HCN1: variants seen among roughly 807,000 people sequenced by gnomAD.
HCN1 encodes the protein hyperpolarization activated cyclic nucleotide gated potassium channel 1, also known as potassium/sodium hyperpolarization-activated cyclic nucleotide-gated channel 1.
A neutral mutation model predicts 78.9 loss-of-function variants in HCN1; 13 were observed. That is an observed-to-expected ratio of 0.16 (90% CI 0.11 to 0.26). The LOEUF (loss-of-function observed/expected upper bound fraction) is 0.26, where lower values mean the gene tolerates loss of function less well. Among genes scored for constraint, HCN1 ranks in the 10% least tolerant of loss-of-function variants. HCN1 has a pLI of 1.00. For missense variants in HCN1, 810 were observed against 1,154.3 expected (o/e 0.70, Z 4.32); for synonymous variants, 552 against 455.5 (o/e 1.21, Z -2.70).
chr5:45,326,152 T>C (rs527402374), intron 5 of HCN1, among the ~76,000 whole-genome samples: 56 of 151,726 alleles, frequency 3.7e-4, no homozygotes, highest in African/African-American at 1.3e-3. Context: ...TACATATACA[T>C]TTATATATCA....
intron 1 of HCN1, among the ~76,000 whole-genome samples, chr5:45,689,176 C>A (rs1334316827): frequency 6.6e-6 from 1 of 151,888 alleles, no homozygotes; most frequent in Non-Finnish European, 1.5e-5. Flanking sequence ...TAAAAATAAA[C>A]CATATCTGTA....
At chr5:45,582,967 T>C (rs555111940) in intron 2 of HCN1, among the ~76,000 whole-genome samples, 1 of 128,566 alleles carries the variant, frequency 7.8e-6, no homozygotes, top group Admixed American at 8.7e-5. Context: ...TCAAGGATAT[T>C]GGTCTAAAAT....
intron 5 of HCN1, among the ~76,000 whole-genome samples, chr5:45,306,061 A>G (rs1745728392): frequency 6.6e-6 from 1 of 152,104 alleles, no homozygotes; most frequent in Admixed American, 6.6e-5. Flanking sequence ...CAGGAAGATA[A>G]AAGGTGACGT....
intron 1 of HCN1, among the ~76,000 whole-genome samples, chr5:45,660,098 G>A (rs1400316062): frequency 3.3e-5 from 4 of 119,632 alleles, no homozygotes; most frequent in Admixed American, 8.4e-5. Context: ...GACTAACAGC[G>A]GATCTCTCGG....
At chr5:45,493,664 T>C (rs528042122) in intron 2 of HCN1, among the ~76,000 whole-genome samples, 4 of 152,034 alleles carry the variant, frequency 2.6e-5, no homozygotes, top group East Asian at 3.9e-4. Flanking sequence ...GTTAGTTACA[T>C]ATGTATACAT....
chr5:45,556,144 C>G (rs960163787), intron 2 of HCN1, among the ~76,000 whole-genome samples: 1 of 151,910 alleles, frequency 6.6e-6, no homozygotes, highest in African/African-American at 2.4e-5. Context: ...GGACATTGGA[C>G]TGGGAAAAGA....
rs953713255 is a variant in HCN1 at position 45,310,703 on chromosome 5, G to A, written c.1378-6864C>T. ...GGAATATAAATTGTTCTATTATAAA[G>A]ACATGCATGCATATGTTCATTGCAG... On this transcript the variant is annotated intron_variant, in intron 5 of 7. Coordinates refer to ENST00000303230, the MANE Select transcript of HCN1 (RefSeq NM_021072.4). 2.0e-5 allele frequency among the ~76,000 whole-genome samples: 3 copies of A among 152,012 alleles called. No homozygotes were observed. The East Asian group carries it at 5.8e-4, about 29-fold the overall frequency.
intron 2 of HCN1, among the ~76,000 whole-genome samples, chr5:45,499,939 T>C (rs1554029244): frequency 1.3e-5 from 2 of 152,138 alleles, no homozygotes; most frequent in Non-Finnish European, 1.5e-5. Context: ...CATATGCACA[T>C]ACACATAAAA....
Position 45,603,112 on chromosome 5 carries a change from G to T in HCN1, c.849+42073C>A, listed in dbSNP as rs866774089. Reference sequence around the variant, plus strand: ...TTCCCTACTTTTCATCCCTTTAGGAGTTTAGGAAGGCAGGAAAACACAACC... The same window carrying T: ...TTCCCTACTTTTCATCCCTTTAGGATTTTAGGAAGGCAGGAAAACACAACC... On this transcript the variant is annotated intron_variant, in intron 2 of 7. Coordinates refer to ENST00000303230, the MANE Select transcript of HCN1 (RefSeq NM_021072.4). Among the ~76,000 whole-genome samples the T allele has an allele frequency of 7.9e-5, 12 of 152,026 alleles. No individual in the cohort carries two copies. In the South Asian group the frequency reaches 1.2e-3, roughly 16 times the overall value.
rs1462286117 is a variant in HCN1 at position 45,626,307 on chromosome 5, T to TCAC, written c.849+18877_849+18878insGTG. On this transcript the variant is annotated intron_variant, in intron 2 of 7. Coordinates refer to ENST00000303230, the MANE Select transcript of HCN1 (RefSeq NM_021072.4). ...CTATTTAGACCACCTCTTCTGAATA[T>TCAC]TGACGTGGAAATCACTGAAATACTA... Among the ~76,000 whole-genome samples, 3 of 152,324 alleles carry TCAC rather than the reference T, an allele frequency of 2.0e-5. No individual in the cohort carries two copies. In the East Asian group the frequency reaches 5.8e-4, roughly 29 times the overall value.
At chr5:45,343,699 G>C (rs1381187587) in intron 5 of HCN1, among the ~76,000 whole-genome samples, 2 of 152,042 alleles carry the variant, frequency 1.3e-5, no homozygotes, top group Non-Finnish European at 2.9e-5. Flanking sequence ...ATATCATTTA[G>C]CTTTAGAGGA....
chr5:45,457,612 C>A (rs191849965), intron 3 of HCN1, among the ~76,000 whole-genome samples: 359 of 152,248 alleles, frequency 2.4e-3, no homozygotes, highest in African/African-American at 8.2e-3. Flanking sequence ...TCCGTTGTTA[C>A]AACAAAATAC....
intron 3 of HCN1, among the ~76,000 whole-genome samples, chr5:45,441,906 G>A (rs1579897184): frequency 6.6e-6 from 1 of 152,204 alleles, no homozygotes; most frequent in South Asian, 2.1e-4. Flanking sequence ...AATTCTGCAA[G>A]GTTAATGTAT....
At chr5:45,366,741 A>G (rs1747246138) in intron 4 of HCN1, among the ~76,000 whole-genome samples, 1 of 151,818 alleles carries the variant, frequency 6.6e-6, no homozygotes, top group Non-Finnish European at 1.5e-5. Context: ...TGAAGAAAGG[A>G]GCATTTATAA....
Position 45,355,070 on chromosome 5 carries a change from T to C in HCN1, c.1231-1824A>G, listed in dbSNP as rs773427454. 1.4e-4 allele frequency among the ~76,000 whole-genome samples: 21 copies of C among 152,150 alleles called. No individual in the cohort carries two copies. In the South Asian group the frequency reaches 1.5e-3, roughly 11 times the overall value. Reference sequence around the variant, plus strand: ...TTATTTTTATGAAGCTTAGGGTTGATTGAATCTAATTGTTTTTCCTCACAC... The same window carrying C: ...TTATTTTTATGAAGCTTAGGGTTGACTGAATCTAATTGTTTTTCCTCACAC... On this transcript the variant is annotated intron_variant, in intron 4 of 7. Coordinates refer to ENST00000303230, the MANE Select transcript of HCN1 (RefSeq NM_021072.4).
At chr5:45,489,182 G>T (rs1015312241) in intron 2 of HCN1, among the ~76,000 whole-genome samples, 1 of 152,136 alleles carries the variant, frequency 6.6e-6, no homozygotes, top group African/African-American at 2.4e-5. Context: ...ATTTCTAAGC[G>T]AAGATGCCAG....
At chr5:45,352,094 C>T (rs1485440232) in intron 5 of HCN1, among the ~76,000 whole-genome samples, 1 of 152,130 alleles carries the variant, frequency 6.6e-6, no homozygotes, top group East Asian at 1.9e-4. Flanking sequence ...TATTGCGGCA[C>T]TATTCCCAAT....
At chr5:45,304,200 G>A (rs1285539342) in intron 5 of HCN1, among the ~76,000 whole-genome samples, 4 of 151,600 alleles carry the variant, frequency 2.6e-5, no homozygotes, top group South Asian at 2.1e-4. Flanking sequence ...TTTTATTTAC[G>A]AAGAAAGAAA....
intron 5 of HCN1, among the ~76,000 whole-genome samples, chr5:45,326,123 G>A (rs182017517): frequency 1.4e-4 from 21 of 151,318 alleles, no homozygotes; most frequent in East Asian, 7.8e-4. Context: ...AAAGGACCAC[G>A]CATTTTCCTT....
Sources: gnomAD v4.1 joint callset for allele counts (sites outside exome capture counted in the v4.1 genomes callset) on GRCh38, gnomAD v4.1.1 for gene constraint, MANE v1.5 for transcripts, NCBI Gene and HGNC (gene_info 2026-07-23, HGNC 2026-07-21) for gene names.